RCOR1: variants seen among roughly 807,000 people sequenced by gnomAD.
The protein encoded by RCOR1 is REST corepressor.
In RCOR1, 12 loss-of-function variants were observed where a neutral mutation model predicts 64.0. That is an observed-to-expected ratio of 0.19 (90% CI 0.12 to 0.30). The LOEUF (loss-of-function observed/expected upper bound fraction) is 0.30. RCOR1 is among the 10% of genes least tolerant of loss of function. RCOR1 has a pLI of 1.00. For synonymous variants in RCOR1, 279 were observed against 227.2 expected (o/e 1.23, Z -2.05); for missense variants, 502 against 621.2 (o/e 0.81, Z 2.04).
intron 3 of RCOR1, among the ~76,000 whole-genome samples, chr14:102,697,379 T>A (rs1895670844): frequency 6.6e-6 from 1 of 152,194 alleles, no homozygotes; most frequent in African/African-American, 2.4e-5. Flanking sequence ...GGGTCTTTCT[T>A]ACCCTGTACA....
chr14:102,652,481 G>T (rs1056983625), intron 2 of RCOR1, among the ~76,000 whole-genome samples: 1 of 144,396 alleles, frequency 6.9e-6, no homozygotes, highest in African/African-American at 2.6e-5. Context: ...GTCCTCAAAC[G>T]CCCTGTTTTC....
At chr14:102,671,729 A>T (rs957037373) in intron 2 of RCOR1, among the ~76,000 whole-genome samples, 42 of 152,242 alleles carry the variant, frequency 2.8e-4, no homozygotes, top group African/African-American at 9.4e-4. Context: ...TATTTAAAAT[A>T]TGCAAAATTC....
intron 2 of RCOR1, among the ~76,000 whole-genome samples, chr14:102,631,593 G>T (rs1894112498): frequency 6.6e-6 from 1 of 152,196 alleles, no homozygotes; most frequent in South Asian, 2.1e-4. Context: ...CACCTAGTCT[G>T]GACATGTGGG....
chr14:102,612,461 A>G lies in RCOR1; in HGVS notation c.361+19136A>G, dbSNP rs1024278704. Among the ~76,000 whole-genome samples the G allele has an allele frequency of 2.6e-5, 4 of 151,514 alleles. No homozygotes were observed. The East Asian group carries it at 7.8e-4, about 30-fold the overall frequency. Reference sequence around the variant, plus strand: ...CGATCTGCCCGCCTCAGCCTCCCAAAGTGCTGGGATTACAGGTGTGAGCCA... The same window carrying G: ...CGATCTGCCCGCCTCAGCCTCCCAAGGTGCTGGGATTACAGGTGTGAGCCA... On this transcript the variant is annotated intron_variant, in intron 2 of 11. Transcript: ENST00000262241.
chr14:102,675,691 C>T (rs1213763977), intron 2 of RCOR1, among the ~76,000 whole-genome samples: 2 of 152,196 alleles, frequency 1.3e-5, no homozygotes, highest in Admixed American at 6.5e-5. Flanking sequence ...AATTCCAATG[C>T]GGGGCACCAC....
chr14:102,686,212 T>TA (rs1895414773), intron 3 of RCOR1, among the ~76,000 whole-genome samples: 1 of 152,174 alleles, frequency 6.6e-6, no homozygotes, highest in Non-Finnish European at 1.5e-5. Context: ...GCTGTCATTT[T>TA]AAAAAAAGCA....
Position 102,729,844 on chromosome 14 carries a change from C to G in RCOR1, c.*3338C>G, listed in dbSNP as rs924933924. ...GAGCTAAGGAAAGATGGAGCCAACT[C>G]CAACGAGGGCCTCTTTTTCTCTCTT... On this transcript the variant is annotated 3_prime_UTR_variant, in exon 12 of 12. Coordinates refer to ENST00000262241, the MANE Select transcript of RCOR1 (RefSeq NM_015156.4). 1 of 398,954 alleles carries G rather than the reference C, an allele frequency of 2.5e-6. No homozygotes were observed. Among genetic ancestry groups the G allele is most frequent in the African/African-American group, 2.1e-5 (1 of 48,638 alleles). The allele number at this position is 398,954 out of a possible 1,614,324, so 24.7% of individuals were successfully genotyped here.
At chr14:102,719,937 G>A (rs1406531423) in intron 8 of RCOR1, among the ~76,000 whole-genome samples, 1 of 152,140 alleles carries the variant, frequency 6.6e-6, no homozygotes, top group Non-Finnish European at 1.5e-5. Flanking sequence ...CATAATCTGA[G>A]TACTTTGCAA....
intron 11 of RCOR1, 109 bp from the exon 12 acceptor site, chr14:102,726,359 C>T: frequency 1.1e-6 from 1 of 879,022 alleles, no homozygotes; most frequent in South Asian, 1.6e-5. Context: ...TCGGTGTTTG[C>T]TCTGCAGGTT....
chr14:102,710,797 A>T, intron 6 of RCOR1, 138 bp from the exon 7 acceptor site: 1 of 652,810 alleles, frequency 1.5e-6, no homozygotes. Flanking sequence ...GCCTGAAAAC[A>T]TACTAATTTT....
intron 2 of RCOR1, among the ~76,000 whole-genome samples, chr14:102,596,808 C>T (rs1007399937): frequency 6.7e-6 from 1 of 150,144 alleles, no homozygotes. Flanking sequence ...CAGGTGATCT[C>T]CCCGCCTTGT....
intron 3 of RCOR1, among the ~76,000 whole-genome samples, chr14:102,692,440 A>AACACACACACAC (rs10622844): frequency 0.022 from 3,184 of 146,304 alleles, 37 homozygotes; most frequent in Middle Eastern, 0.028. Context: ...GGAAAAAGTT[A>AACACACACACAC]ACACACACAC....
In RCOR1 at chr14:102,619,726, C is replaced by T. The variant is rs150587457; in HGVS notation, c.361+26401C>T. 1.4e-4 allele frequency among the ~76,000 whole-genome samples: 21 copies of T among 152,212 alleles called. No individual in the cohort carries two copies. In the East Asian group the frequency reaches 3.1e-3, roughly 22 times the overall value. ...AAACTCCTGACCTCAGGTGATCTGC[C>T]CACCTCAGCCTCCCAAAGTGCTGGG... is the stretch of plus-strand genomic sequence containing the variant. On this transcript the variant is annotated intron_variant, in intron 2 of 11. Coordinates refer to ENST00000262241, the MANE Select transcript of RCOR1 (RefSeq NM_015156.4).
chr14:102,713,526 C>T (rs981482414), intron 7 of RCOR1, among the ~76,000 whole-genome samples: 3 of 152,008 alleles, frequency 2.0e-5, no homozygotes, highest in African/African-American at 4.8e-5. Flanking sequence ...TCGTGATCCG[C>T]CCGCCTCAGC....
intron 8 of RCOR1, among the ~76,000 whole-genome samples, chr14:102,720,128 T>G (rs531715434): frequency 6.6e-6 from 1 of 152,340 alleles, no homozygotes; most frequent in East Asian, 1.9e-4. Flanking sequence ...ACATTTTACT[T>G]GAGAAAATCA....
chr14:102,699,364 G>A (rs1895710539), intron 3 of RCOR1, among the ~76,000 whole-genome samples: 1 of 152,092 alleles, frequency 6.6e-6, no homozygotes, highest in African/African-American at 2.4e-5. Context: ...AATTAATATT[G>A]AGCTGCAGTA....
intron 2 of RCOR1, chr14:102,655,250 C>T (rs1250899826): frequency 2.0e-6 from 2 of 984,092 alleles, no homozygotes; most frequent in Non-Finnish European, 1.2e-6. Flanking sequence ...CCTGGCCTTC[C>T]ATTTTCCCTT....
chr14:102,685,227 TC>T (rs902520694), intron 3 of RCOR1, among the ~76,000 whole-genome samples: 1 of 152,170 alleles, frequency 6.6e-6, no homozygotes. Context: ...ATAATTGTTT[TC>T]CACAAAATGT....
intron 2 of RCOR1, chr14:102,649,845 A>G (rs1168457789): frequency 2.2e-6 from 2 of 912,020 alleles, no homozygotes; most frequent in African/African-American, 1.8e-5. Flanking sequence ...AAGAAAATGA[A>G]TTGGTTATCT....
Sources: allele counts gnomAD v4.1 joint callset (sites outside exome capture counted in the v4.1 genomes callset), GRCh38; gene constraint gnomAD v4.1.1; transcripts MANE v1.5; gene names NCBI Gene and HGNC (gene_info 2026-07-23, HGNC 2026-07-21).